ADGRB3: variants seen among roughly 807,000 people sequenced by gnomAD.
ADGRB3 encodes brain-specific angiogenesis inhibitor 3.
In ADGRB3, 37 loss-of-function variants were observed where a neutral mutation model predicts 193.4. That is an observed-to-expected ratio of 0.19 (90% confidence interval 0.15 to 0.25). The LOEUF is 0.25. Ranked by LOEUF, ADGRB3 falls within the 10% of genes least tolerant of loss-of-function variation. The pLI is 1.00. For missense variants in ADGRB3, 1,637 were observed against 1,852.9 expected (o/e 0.88, Z 2.14); for synonymous variants, 690 against 644.2 (o/e 1.07, Z -1.08).
intron 6 of ADGRB3, among the ~76,000 whole-genome samples, chr6:68,946,323 C>T (rs760216164): frequency 2.6e-4 from 39 of 152,194 alleles, no homozygotes; most frequent in Middle Eastern, 3.4e-3. Flanking sequence ...CAGGCACCTT[C>T]ACTGGGTATG....
intron 30 of ADGRB3, among the ~76,000 whole-genome samples, chr6:69,376,297 C>T (rs183264126): frequency 1.3e-5 from 2 of 151,718 alleles, no homozygotes; most frequent in Admixed American, 1.3e-4. Context: ...GGGGTCTCAC[C>T]ATGTTGCCCA....
intron 6 of ADGRB3, 106 bp downstream of exon 6, chr6:68,944,100 G>T: frequency 8.1e-7 from 1 of 1,235,666 alleles, no homozygotes; most frequent in South Asian, 1.8e-5. Context: ...GTCACGTTGG[G>T]AAATGTGTCC....
At chr6:69,017,205 C>CTTGT (rs1770118267) in intron 12 of ADGRB3, among the ~76,000 whole-genome samples, 1 of 151,882 alleles carries the variant, frequency 6.6e-6, no homozygotes, top group Admixed American at 6.6e-5. Context: ...TTTAGACGGG[C>CTTGT]ACAACCGCAA....
intron 28 of ADGRB3, among the ~76,000 whole-genome samples, chr6:69,356,182 G>A (rs945467767): frequency 6.6e-6 from 1 of 152,126 alleles, no homozygotes; most frequent in Non-Finnish European, 1.5e-5. Flanking sequence ...GAAACATGCT[G>A]TATAGACAAT....
chr6:68,703,480 C>A (rs758059119), intron 3 of ADGRB3, among the ~76,000 whole-genome samples: 1 of 151,956 alleles, frequency 6.6e-6, no homozygotes, highest in Admixed American at 6.6e-5. Context: ...TAATTCTACT[C>A]CAGAAGAATT....
At chr6:68,924,768 T>C (rs966282759) in intron 3 of ADGRB3, among the ~76,000 whole-genome samples, 2 of 151,992 alleles carry the variant, frequency 1.3e-5, no homozygotes, top group South Asian at 2.1e-4. Context: ...TTTTGGGCCC[T>C]GTAGCCACAT....
intron 8 of ADGRB3, among the ~76,000 whole-genome samples, chr6:68,958,201 G>A (rs892153004): frequency 2.8e-4 from 41 of 146,580 alleles, no homozygotes; most frequent in African/African-American, 8.0e-4. Context: ...ACTCTGTCTC[G>A]AAAAAAAAAA....
At chr6:69,332,014 C>T (rs1407966767) in intron 23 of ADGRB3, 1 of 985,280 alleles carries the variant, frequency 1.0e-6, no homozygotes, top group African/African-American at 1.7e-5. Flanking sequence ...TTATATTCAC[C>T]ATCTTCATTG....
At chr6:68,715,508 C>CA (rs533085916) in intron 3 of ADGRB3, among the ~76,000 whole-genome samples, 76 of 151,698 alleles carry the variant, frequency 5.0e-4, no homozygotes, top group African/African-American at 1.8e-3. Context: ...TCATGTGTAC[C>CA]AATAAGTGAT....
At chr6:68,956,437 G>A (rs1379810946) in intron 7 of ADGRB3, among the ~76,000 whole-genome samples, 3 of 152,110 alleles carry the variant, frequency 2.0e-5, no homozygotes, top group African/African-American at 7.2e-5. Context: ...ATTTGAGGAA[G>A]TTTAGCACTG....
At chr6:68,691,487 T>C (rs1765071793) in intron 3 of ADGRB3, among the ~76,000 whole-genome samples, 1 of 152,062 alleles carries the variant, frequency 6.6e-6, no homozygotes, top group Admixed American at 6.6e-5. Context: ...GCTCATTTAT[T>C]ACCTACTATC....
chr6:68,729,186 T>A (rs974756592), intron 3 of ADGRB3, among the ~76,000 whole-genome samples: 1 of 151,672 alleles, frequency 6.6e-6, no homozygotes, highest in African/African-American at 2.4e-5. Context: ...GTTGCCCTTC[T>A]CTGGGCTGTG....
chr6:68,898,247 G>A (rs980971142), intron 3 of ADGRB3, among the ~76,000 whole-genome samples: 2 of 151,870 alleles, frequency 1.3e-5, no homozygotes, highest in African/African-American at 4.8e-5. Flanking sequence ...GATGTCTAAG[G>A]GCAGGAGAAG....
At chr6:68,868,814 G>T (rs1271753914) in intron 3 of ADGRB3, among the ~76,000 whole-genome samples, 2 of 151,994 alleles carry the variant, frequency 1.3e-5, no homozygotes, top group Non-Finnish European at 2.9e-5. Context: ...ATGACAAGCT[G>T]CCTTGTAATA....
chr6:69,192,349 A>G (rs1334294499), intron 17 of ADGRB3, among the ~76,000 whole-genome samples: 2 of 152,154 alleles, frequency 1.3e-5, no homozygotes, highest in Non-Finnish European at 2.9e-5. Flanking sequence ...AAACCAGTCT[A>G]GTCTTTCCCC....
chr6:68,965,763 A>G (rs1215030302), intron 8 of ADGRB3, among the ~76,000 whole-genome samples: 1 of 152,154 alleles, frequency 6.6e-6, no homozygotes, highest in Admixed American at 6.6e-5. Context: ...GAGCTGATGA[A>G]CAAAGTTACT....
intron 17 of ADGRB3, among the ~76,000 whole-genome samples, chr6:69,081,847 A>G (rs1020701657): frequency 4.6e-5 from 7 of 152,190 alleles, no homozygotes; most frequent in African/African-American, 1.7e-4. Flanking sequence ...TTAGCAACCC[A>G]TTATGTCCAT....
At chr6:68,687,375 A>G (rs1293633924) in intron 3 of ADGRB3, among the ~76,000 whole-genome samples, 2 of 152,146 alleles carry the variant, frequency 1.3e-5, no homozygotes, top group South Asian at 2.1e-4. Context: ...TGAAAAAACT[A>G]TGCATGGATT....
rs372717026 is a variant in ADGRB3, at chr6:69,217,986, TG to T, written c.2481-15301del. Among the ~76,000 whole-genome samples the T allele has an allele frequency of 1.2e-3, 182 of 150,764 alleles. 2 individuals carry two copies. The South Asian group carries it at 0.03, about 25-fold the overall frequency. ...AACAAGGATGCAAAGCTCTCATATC[TG>T]GGAGGTCTTGAGATATACATATTTT... On this transcript the variant is annotated intron_variant, in intron 17 of 31. Transcript: ENST00000370598.
Sources: gnomAD v4.1 joint callset for allele counts (sites outside exome capture counted in the v4.1 genomes callset) on GRCh38, gnomAD v4.1.1 for gene constraint, MANE v1.5 for transcripts, NCBI Gene and HGNC (gene_info 2026-07-23, HGNC 2026-07-21) for gene names.